Variants in IL1RAPL2 observed in about 807,000 individuals in gnomAD.
IL1RAPL2 encodes interleukin 1 receptor accessory protein like 2.
In IL1RAPL2, 3 loss-of-function variants were observed where a neutral mutation model predicts 44.1. That is an observed-to-expected ratio of 0.07 (90% CI 0.03 to 0.18). The LOEUF (loss-of-function observed/expected upper bound fraction) is 0.18. Among genes scored for constraint, IL1RAPL2 ranks in the 10% least tolerant of loss-of-function variants. The pLI, the probability that IL1RAPL2 is intolerant of heterozygous loss-of-function variation, is 1.00. For synonymous variants in IL1RAPL2, 181 were observed against 178.8 expected (o/e 1.01, Z -0.10); for missense variants, 391 against 496.4 (o/e 0.79, Z 2.02).
intron 2 of IL1RAPL2, among the ~76,000 whole-genome samples, chrX:105,131,031 G>A (rs951097488): frequency 9.0e-6 from 1 of 111,649 alleles, no homozygotes; most frequent in Admixed American, 9.6e-5. Context: ...GAAAAGGCAG[G>A]CAAGAATGGG....
intron 4 of IL1RAPL2, among the ~76,000 whole-genome samples, chrX:105,235,774 T>A (rs1016988202): frequency 8.9e-6 from 1 of 112,570 alleles, no homozygotes; most frequent in African/African-American, 3.2e-5. Context: ...TAGCTAAACT[T>A]GATTTCAACA....
chrX:105,541,269 G>A (rs1360677434), intron 6 of IL1RAPL2, among the ~76,000 whole-genome samples: 1 of 111,034 alleles, frequency 9.0e-6, no homozygotes, highest in East Asian at 2.8e-4. Flanking sequence ...ACAGAGGAGC[G>A]AGAAGTTAAT....
chrX:104,744,463 A>G lies in IL1RAPL2; in HGVS notation c.82+85468A>G, dbSNP rs186551582. Among the ~76,000 whole-genome samples, 805 of 111,454 alleles carry G rather than the reference A, an allele frequency of 7.2e-3. 8 individuals carry two copies. Among genetic ancestry groups the G allele is most frequent in the African/African-American group, 0.024 (746 of 30,757 alleles). ...TAATTCTCCTGTGTGACTTTCATCA[A>G]GTAACTTATCTTTTTGTGTTTTCAA... On this transcript the variant is annotated intron_variant, in intron 2 of 10. Coordinates refer to ENST00000372582, the MANE Select transcript of IL1RAPL2 (RefSeq NM_017416.2).
Position 104,608,111 on chromosome X carries a change from C to G in IL1RAPL2, c.-20+41060C>G, listed in dbSNP as rs781153614. ...TGATGAAGCAGAAAACCATCATTCT[C>G]AGCAAACTATCGCAAGGACAGAAAA... On this transcript the variant is annotated intron_variant, in intron 1 of 10. Coordinates refer to ENST00000372582, the MANE Select transcript of IL1RAPL2 (RefSeq NM_017416.2). Among the ~76,000 whole-genome samples the G allele has an allele frequency of 3.7e-3, 407 of 110,974 alleles. 1 individual carries two copies. Among genetic ancestry groups the G allele is most frequent in the Middle Eastern group, 9.2e-3 (2 of 217 alleles).
chrX:105,058,284 C>T (rs2032025044), intron 2 of IL1RAPL2, among the ~76,000 whole-genome samples: 1 of 111,279 alleles, frequency 9.0e-6, no homozygotes, highest in African/African-American at 3.3e-5. Flanking sequence ...CAGGGTTCCA[C>T]CATGTTGGTC....
At chrX:104,728,703 A>G (rs1931844084) in intron 2 of IL1RAPL2, among the ~76,000 whole-genome samples, 2 of 111,340 alleles carry the variant, frequency 1.8e-5, no homozygotes, top group Non-Finnish European at 3.8e-5. Flanking sequence ...CAACAGGAAC[A>G]ATTAGATGCT....
intron 6 of IL1RAPL2, among the ~76,000 whole-genome samples, chrX:105,501,110 G>GA (rs1231080715): frequency 9.0e-6 from 1 of 111,601 alleles, no homozygotes; most frequent in African/African-American, 3.3e-5. Context: ...TGATGCTCAG[G>GA]AAATGTCTAT....
At chrX:105,738,072 C>G (rs992255878) in intron 7 of IL1RAPL2, among the ~76,000 whole-genome samples, 12 of 111,320 alleles carry the variant, frequency 1.1e-4, no homozygotes, top group African/African-American at 3.9e-4. Context: ...TCCACCAACC[C>G]AACTTTAAGC....
intron 2 of IL1RAPL2, among the ~76,000 whole-genome samples, chrX:104,980,891 A>G (rs1000945526): frequency 9.0e-6 from 1 of 111,516 alleles, no homozygotes; most frequent in Non-Finnish European, 1.9e-5. Context: ...GAATCTATAA[A>G]TTGCTTTGGG....
At chrX:104,818,911 G>A (rs141320284) in intron 2 of IL1RAPL2, among the ~76,000 whole-genome samples, 1 of 112,121 alleles carries the variant, frequency 8.9e-6, no homozygotes, top group Non-Finnish European at 1.9e-5. Context: ...ATGAGATAAA[G>A]TACATAGCAC....
At chrX:105,027,409 T>C (rs2031393052) in intron 2 of IL1RAPL2, among the ~76,000 whole-genome samples, 1 of 111,532 alleles carries the variant, frequency 9.0e-6, no homozygotes, top group Admixed American at 9.6e-5. Context: ...GAGAAAATAA[T>C]TTAAAACTAC....
chrX:104,736,352 G>T (rs956763760), intron 2 of IL1RAPL2, among the ~76,000 whole-genome samples: 1 of 112,039 alleles, frequency 8.9e-6, no homozygotes, highest in African/African-American at 3.2e-5. Flanking sequence ...TCCTTGTAGC[G>T]CATGATAGAT....
intron 2 of IL1RAPL2, among the ~76,000 whole-genome samples, chrX:105,128,881 G>A (rs192307526): frequency 9.0e-6 from 1 of 111,244 alleles, no homozygotes; most frequent in Non-Finnish European, 1.9e-5. Context: ...GTGTTAGATT[G>A]ATAAATTGGC....
At chrX:105,625,481 A>G (rs1246169990) in intron 6 of IL1RAPL2, among the ~76,000 whole-genome samples, 3 of 112,258 alleles carry the variant, frequency 2.7e-5, no homozygotes, top group Non-Finnish European at 5.6e-5. Context: ...TATTATGTGT[A>G]TCTGACTTTA....
At position 105,458,117 on chromosome X, in the gene IL1RAPL2, C is replaced by A. The variant is rs1322747451; in HGVS notation, c.698-26196C>A. 2.7e-5 allele frequency among the ~76,000 whole-genome samples: 3 copies of A among 111,111 alleles called. No individual in the cohort carries two copies. The Admixed American group carries it at 2.9e-4, about 11-fold the overall frequency. ...ATGTGCTTATTGGCCATTTTTATAT[C>A]TTCTTTGGATAAATGTCTATCGAAT... On this transcript the variant is annotated intron_variant, in intron 5 of 10. Coordinates refer to ENST00000372582, the MANE Select transcript of IL1RAPL2 (RefSeq NM_017416.2).
chrX:105,661,934 G>T (rs2037723548), intron 6 of IL1RAPL2, among the ~76,000 whole-genome samples: 1 of 112,127 alleles, frequency 8.9e-6, no homozygotes, highest in Admixed American at 9.4e-5. Flanking sequence ...CTTCTTTACT[G>T]CAAAGTAGAT....
chrX:105,708,243 A>C (rs1455029745), intron 6 of IL1RAPL2, among the ~76,000 whole-genome samples: 1 of 111,634 alleles, frequency 9.0e-6, no homozygotes, highest in East Asian at 2.8e-4. Context: ...AAGACTTATC[A>C]AAGTGAATGG....
intron 10 of IL1RAPL2, among the ~76,000 whole-genome samples, chrX:105,762,387 A>G (rs1246280917): frequency 9.0e-6 from 1 of 111,333 alleles, no homozygotes; most frequent in Non-Finnish European, 1.9e-5. Flanking sequence ...TCCCAAGGAG[A>G]GTCTAGTGGC....
rs1930299207 is a variant in IL1RAPL2, at chrX:104,657,770, T to G, written c.-19-1125T>G. Among the ~76,000 whole-genome samples the G allele has an allele frequency of 3.6e-5, 4 of 110,105 alleles. No individual in the cohort carries two copies. The Admixed American group carries it at 3.9e-4, about 11-fold the overall frequency. On this transcript the variant is annotated intron_variant, in intron 1 of 10. Coordinates refer to ENST00000372582, the MANE Select transcript of IL1RAPL2 (RefSeq NM_017416.2). ...GAATCTACAAAGAGCTCAAACAAAT[T>G]TACAAGAAAAAAAAACCCATCAAAA...
Sources: gnomAD v4.1 joint callset for allele counts (sites outside exome capture counted in the v4.1 genomes callset) on GRCh38, gnomAD v4.1.1 for gene constraint, MANE v1.5 for transcripts, NCBI Gene and HGNC (gene_info 2026-07-23, HGNC 2026-07-21) for gene names.